Variants in PEPD observed in about 807,000 individuals in gnomAD.
PEPD encodes the protein xaa-Pro dipeptidase.
A neutral mutation model predicts 60.7 loss-of-function variants in PEPD; 53 were observed. The observed-to-expected ratio is 0.87, with a 90% CI of 0.70 to 1.10. PEPD has a LOEUF of 1.10. Among genes scored for constraint, PEPD ranks in the 50% least tolerant of loss-of-function variants. The pLI is 0.00. For missense variants in PEPD, 711 were observed against 711.9 expected (o/e 1.00, Z 0.01); for synonymous variants, 267 against 284.1 (o/e 0.94, Z 0.60).
chr19:33,436,565 G>T (rs12150970), intron 9 of PEPD, among the ~76,000 whole-genome samples: 23,913 of 152,294 alleles, frequency 0.16, 2,148 homozygotes, highest in Non-Finnish European at 0.2. Flanking sequence ...GGGGCTGGGA[G>T]AAGAAGATGT....
intron 4 of PEPD, chr19:33,493,561 C>A: frequency 3.2e-6 from 2 of 621,946 alleles, no homozygotes; most frequent in Non-Finnish European, 5.8e-6. Flanking sequence ...GATAAACCTA[C>A]ACCTGGCTCG....
At chr19:33,493,140 C>A in intron 5 of PEPD, 150 bp downstream of exon 5, 1 of 680,750 alleles carries the variant, frequency 1.5e-6, no homozygotes, top group Non-Finnish European at 2.7e-6. Context: ...CCTCTCAAGG[C>A]ACTTGGATAA....
chr19:33,509,326 A>G (rs994295859), intron 3 of PEPD, among the ~76,000 whole-genome samples: 2 of 152,172 alleles, frequency 1.3e-5, no homozygotes, highest in Non-Finnish European at 2.9e-5. Flanking sequence ...CAGGAGAAAC[A>G]GTCCCCTTTT....
chr19:33,410,683 A>C (rs1968744094), intron 11 of PEPD, among the ~76,000 whole-genome samples: 1 of 152,188 alleles, frequency 6.6e-6, no homozygotes, highest in Admixed American at 6.5e-5. Context: ...TGGGGGGCAG[A>C]GGGCTCTGCA....
At chr19:33,436,640 AC>A (rs1234935923) in intron 9 of PEPD, among the ~76,000 whole-genome samples, 4 of 152,168 alleles carry the variant, frequency 2.6e-5, no homozygotes, top group Non-Finnish European at 4.4e-5. Flanking sequence ...CAATGTTATT[AC>A]CTCCTCCATC....
chr19:33,423,095 T>TCATCCATCCATCCATCCATC (rs56734200), intron 9 of PEPD, among the ~76,000 whole-genome samples: 3,457 of 147,430 alleles, frequency 0.023, 58 homozygotes, highest in Middle Eastern at 0.048. Context: ...TACCTACTTA[T>TCATCCATCCATCCATCCATC]CATCCATCCA....
chr19:33,448,139 C>T (rs968732347), intron 9 of PEPD, among the ~76,000 whole-genome samples: 2 of 152,228 alleles, frequency 1.3e-5, no homozygotes, highest in Non-Finnish European at 2.9e-5. Flanking sequence ...TAATTACTCC[C>T]GCAGGGAGCG....
chr19:33,421,232 A>G (rs1181909817), intron 9 of PEPD, among the ~76,000 whole-genome samples: 1 of 152,214 alleles, frequency 6.6e-6, no homozygotes, highest in Middle Eastern at 3.2e-3. Flanking sequence ...ATGCTGTGTC[A>G]CAGGGTTTTT....
intron 9 of PEPD, among the ~76,000 whole-genome samples, chr19:33,444,317 A>G (rs1969548826): frequency 6.6e-6 from 1 of 152,070 alleles, no homozygotes; most frequent in Non-Finnish European, 1.5e-5. Context: ...TCCATTCAAA[A>G]TCATGGACTT....
chr19:33,513,747 C>G (rs1298844861), intron 1 of PEPD, among the ~76,000 whole-genome samples: 5 of 152,226 alleles, frequency 3.3e-5, no homozygotes, highest in African/African-American at 1.2e-4. Context: ...CCAGTTCACC[C>G]TTGGCTTCCT....
intron 7 of PEPD, among the ~76,000 whole-genome samples, chr19:33,473,770 C>T (rs2145290467): frequency 6.6e-6 from 1 of 152,318 alleles, no homozygotes; most frequent in East Asian, 1.9e-4. Flanking sequence ...TTTGAAGTTT[C>T]AACTTTTGAC....
intron 7 of PEPD, among the ~76,000 whole-genome samples, chr19:33,465,246 T>C (rs73590268): frequency 0.018 from 2,774 of 152,328 alleles, 80 homozygotes; most frequent in African/African-American, 0.064. Flanking sequence ...AATGCTCTGA[T>C]GTCCTTAGGT....
At chr19:33,441,778 C>T in intron 9 of PEPD, among the ~76,000 whole-genome samples, 1 of 152,244 alleles carries the variant, frequency 6.6e-6, no homozygotes, top group South Asian at 2.1e-4. Context: ...AAACTTCTTC[C>T]TCACTAGAGC....
At chr19:33,436,935 C>T (rs540807400) in intron 9 of PEPD, among the ~76,000 whole-genome samples, 3 of 152,264 alleles carry the variant, frequency 2.0e-5, no homozygotes, top group East Asian at 1.9e-4. Flanking sequence ...ACTACAAGAG[C>T]GTTAAAGTCC....
chr19:33,490,684 G>T lies in PEPD; in HGVS notation c.442-627C>A, dbSNP rs375593705. Among the ~76,000 whole-genome samples the T allele has an allele frequency of 2.6e-5, 4 of 151,892 alleles. No homozygotes were observed. The East Asian group carries it at 7.8e-4, about 29-fold the overall frequency. ...ATTTATTTTACTTATTTTTTTTTGA[G>T]ACAGTGTCTTGCTCTGTCACCCAGG... is the stretch of plus-strand genomic sequence containing the variant. On this transcript the variant is annotated intron_variant, in intron 5 of 14. Coordinates refer to ENST00000244137, the MANE Select transcript of PEPD (RefSeq NM_000285.4).
At chr19:33,474,667 G>C (rs890723574) in intron 7 of PEPD, among the ~76,000 whole-genome samples, 2 of 151,534 alleles carry the variant, frequency 1.3e-5, no homozygotes, top group African/African-American at 4.9e-5. Flanking sequence ...CTGGGTGACA[G>C]AGCAAGACTT....
intron 9 of PEPD, among the ~76,000 whole-genome samples, chr19:33,441,335 G>A (rs1256151325): frequency 1.3e-5 from 2 of 152,150 alleles, no homozygotes; most frequent in East Asian, 1.9e-4. Flanking sequence ...ACACCAACAC[G>A]TGCCCCTTAT....
At chr19:33,459,546 G>A (rs1969888243) in intron 9 of PEPD, among the ~76,000 whole-genome samples, 1 of 152,148 alleles carries the variant, frequency 6.6e-6, no homozygotes, top group Admixed American at 6.5e-5. Flanking sequence ...ACCCAACACG[G>A]ACGTCTTATT....
chr19:33,489,345 T>G (rs1970454510), intron 6 of PEPD, among the ~76,000 whole-genome samples: 1 of 152,070 alleles, frequency 6.6e-6, no homozygotes, highest in Admixed American at 6.6e-5. Context: ...AGAGGGGGCT[T>G]GGGACAGGCA....
Sources: allele counts gnomAD v4.1 joint callset (sites outside exome capture counted in the v4.1 genomes callset), GRCh38; gene constraint gnomAD v4.1.1; transcripts MANE v1.5; gene names NCBI Gene and HGNC (gene_info 2026-07-23, HGNC 2026-07-21).